Variants in PCDHGA9 observed in about 807,000 individuals in gnomAD.
The protein encoded by PCDHGA9 is protocadherin gamma subfamily A, 9, also known as protocadherin gamma-A9.
In PCDHGA9, 37 loss-of-function variants were observed where a neutral mutation model predicts 62.5. The ratio of observed to expected loss-of-function variants is 0.59; its 90% CI spans 0.46 to 0.78. The LOEUF is 0.78. Ranked by LOEUF, PCDHGA9 falls within the 30% of genes least tolerant of loss-of-function variation. The pLI is 0.00. For missense variants in PCDHGA9, 1,138 were observed against 1,166.2 expected, an observed-to-expected ratio of 0.98 and a Z score of 0.35; for synonymous variants, 459 against 484.6, an observed-to-expected ratio of 0.95 and a Z score of 0.69.
In PCDHGA9 at chr5:141,485,842, T is replaced by C; in HGVS notation, c.2425-8965T>C. ...TCGATGGAGGGAACCCGCCGAGATC[T>C]GGCACCGCAGAGCTCCGGGTATCCG... On this transcript the variant is annotated intron_variant, in intron 1 of 3. Coordinates refer to ENST00000573521, the MANE Select transcript of PCDHGA9 (RefSeq NM_018921.3). This position sits in a 1 kb window ranked among gnomAD's most constrained non-coding sequence, Gnocchi z 5.7. 1 of 1,614,002 alleles carries C rather than the reference T, an allele frequency of 6.2e-7. No homozygotes were observed. Among genetic ancestry groups the C allele is most frequent in the Non-Finnish European group, 8.5e-7 (1 of 1,179,982 alleles).
intron 1 of PCDHGA9, among the ~76,000 whole-genome samples, chr5:141,463,224 G>C (rs1039535501): frequency 6.6e-6 from 1 of 151,958 alleles, no homozygotes; most frequent in Non-Finnish European, 1.5e-5. Context: ...AATATTCCTG[G>C]AGTTCTTTGT....
At chr5:141,409,516 C>T (rs1303826331) in intron 1 of PCDHGA9, 6 of 1,614,006 alleles carry the variant, frequency 3.7e-6, no homozygotes, top group South Asian at 1.1e-5. Context: ...GTAGAAGCAT[C>T]ACCTTGTATG....
Position 141,505,427 on chromosome 5 carries a change from A to G in PCDHGA9, c.2518A>G (p.Asn840Asp), listed in dbSNP as rs1453435374. Reference protein sequence around the residue: ...QNGDDTGTWPNNQFDTEMLQA... With the variant: ...QNGDDTGTWPDNQFDTEMLQA... The stretch of plus-strand genomic sequence containing the variant: ...TGGCGATGACACCGGCACCTGGCCC[A>G]ACAACCAGTTTGACACAGAGATGCT... The change falls in exon 3 of 4, where the codon AAC (asparagine) becomes GAC (aspartate). Residue 840 changes from asparagine to aspartate, a missense_variant. Physicochemically the swap from Asn to Asp is conservative, Grantham distance 23 (BLOSUM62 1). Coordinates refer to ENST00000573521, the MANE Select transcript of PCDHGA9 (RefSeq NM_018921.3). 1 of 1,614,230 alleles carries G rather than the reference A, an allele frequency of 6.2e-7. No individual in the cohort carries two copies. Among genetic ancestry groups the G allele is most frequent in the East Asian group, 2.2e-5 (1 of 44,878 alleles).
rs148119281 is a variant in PCDHGA9, at chr5:141,511,006, C to T, written c.2632C>T (p.Arg878Cys). The T allele has an allele frequency of 3.5e-5, 56 of 1,614,078 alleles. No individual in the cohort carries two copies. Among genetic ancestry groups the T allele is most frequent in the African/African-American group, 5.3e-5 (4 of 74,922 alleles). The change falls in exon 4 of 4, where the codon CGC (arginine) becomes TGC (cysteine). Residue 878 changes from arginine to cysteine, a missense_variant. By Grantham distance (180) the Arg-to-Cys change is radical. Transcript: ENST00000573521. Reference protein sequence around the residue: ...GGAGTMGLSARYGPQFTLQHV... With the variant: ...GGAGTMGLSACYGPQFTLQHV... ...TGCCGGCACCATGGGATTGAGCGCC[C>T]GCTACGGACCCCAGTTCACCCTGCA...
At chr5:141,411,302 G>T (rs1165336405) in intron 1 of PCDHGA9, 1 of 152,134 alleles carries the variant, frequency 6.6e-6, no homozygotes, top group Admixed American at 6.6e-5. Context: ...AGGCCCAGTG[G>T]CTCACACCTA....
At chr5:141,419,022 G>A in intron 1 of PCDHGA9, 1 of 1,613,960 alleles carries the variant, frequency 6.2e-7, no homozygotes, top group Non-Finnish European at 8.5e-7. Flanking sequence ...AGCTTAAGTA[G>A]AGGTGTTCCA....
chr5:141,409,248 T>A (rs779725312), intron 1 of PCDHGA9: 3 of 1,614,032 alleles, frequency 1.9e-6, no homozygotes, highest in South Asian at 2.2e-5. Context: ...GAAATAATCA[T>A]CACTTCTCTC....
chr5:141,443,093 C>G (rs1316602934), intron 1 of PCDHGA9, among the ~76,000 whole-genome samples: 2 of 151,940 alleles, frequency 1.3e-5, no homozygotes, highest in African/African-American at 4.8e-5. Flanking sequence ...CAGTCTCCTT[C>G]TCAAGCTGAA....
At chr5:141,453,481 TA>T (rs1178324090) in intron 1 of PCDHGA9, among the ~76,000 whole-genome samples, 1 of 151,928 alleles carries the variant, frequency 6.6e-6, no homozygotes, top group Non-Finnish European at 1.5e-5. Context: ...TCAAAACTAT[TA>T]AAAAAAGGTG....
intron 1 of PCDHGA9, chr5:141,424,285 T>A (rs573116321): frequency 6.5e-6 from 1 of 152,894 alleles, no homozygotes; most frequent in South Asian, 2.1e-4. Context: ...CTTTGTCTCA[T>A]TTCTTCATCC....
Position 141,431,919 on chromosome 5 carries a change from A to C in PCDHGA9, c.2424+26543A>C, listed in dbSNP as rs2097428718. The C allele has an allele frequency of 7.4e-6, 12 of 1,614,040 alleles. No individual in the cohort carries two copies. Among genetic ancestry groups the C allele is most frequent in the Non-Finnish European group, 1.0e-5 (12 of 1,179,980 alleles). On this transcript the variant is annotated intron_variant, in intron 1 of 3. Transcript: ENST00000573521. This position sits in a 1 kb window ranked among gnomAD's most constrained non-coding sequence, Gnocchi z 4.8. ...AACGGACAGGTGATCTGTTTCATCC[A>C]AGGAAATCTGCCCTTTAAATTAGAA... is the stretch of plus-strand genomic sequence containing the variant.
chr5:141,432,663 G>A lies in PCDHGA9; in HGVS notation c.2424+27287G>A. ...CGCACGGCGCGAGCCCTGCTGGACA[G>A]AGACGCGCTCAAGCAGAGCCTCGTA... On this transcript the variant is annotated intron_variant, in intron 1 of 3. Coordinates refer to ENST00000573521, the MANE Select transcript of PCDHGA9 (RefSeq NM_018921.3). This position sits in a 1 kb window ranked among gnomAD's most constrained non-coding sequence, Gnocchi z 6.0. 1 of 1,613,886 alleles carries A rather than the reference G, an allele frequency of 6.2e-7. No individual in the cohort carries two copies. Among genetic ancestry groups the A allele is most frequent in the Non-Finnish European group, 8.5e-7 (1 of 1,179,952 alleles).
In PCDHGA9 at chr5:141,486,334, C is replaced by T; in HGVS notation, c.2425-8473C>T. 1.2e-6 allele frequency: 2 copies of T among 1,614,098 alleles called. No individual in the cohort carries two copies. ...CAGGGTCAAACGGAGATGTGAGCCT[C>T]CGCATTCCTGACCACTTGCCATTTG... On this transcript the variant is annotated intron_variant, in intron 1 of 3. Coordinates refer to ENST00000573521, the MANE Select transcript of PCDHGA9 (RefSeq NM_018921.3). This position sits in a 1 kb window ranked among gnomAD's most constrained non-coding sequence, Gnocchi z 5.0.
chr5:141,421,102 T>G, intron 1 of PCDHGA9: 1 of 691,404 alleles, frequency 1.4e-6, no homozygotes, highest in Non-Finnish European at 2.4e-6. Flanking sequence ...CACTGGAGAC[T>G]TAGAAGTATT....
intron 2 of PCDHGA9, among the ~76,000 whole-genome samples, chr5:141,498,371 C>T (rs188547878): frequency 6.6e-6 from 1 of 151,838 alleles, no homozygotes; most frequent in Admixed American, 6.6e-5. Flanking sequence ...TGTGGTGAGG[C>T]CTCCTGGGAT....
chr5:141,404,001 C>T lies in PCDHGA9; in HGVS notation c.1049C>T (p.Thr350Ile). Residue 350 changes from threonine (T) to isoleucine (I), a missense_variant, in exon 1 of 4, where the codon ACA becomes ATA. Coordinates refer to ENST00000573521, the MANE Select transcript of PCDHGA9 (RefSeq NM_018921.3). ...GACAATAGACCTGAAGTGACCATTA[C>T]ATCTCTGTTTAGCCCAGTGAGAGAA... is the stretch of plus-strand genomic sequence containing the variant. ...VNDNRPEVTI[T>I]SLFSPVREDA... 8 of 1,613,870 alleles carry T rather than the reference C, an allele frequency of 5.0e-6. No individual in the cohort carries two copies. Among genetic ancestry groups the T allele is most frequent in the South Asian group, 1.1e-5 (1 of 91,070 alleles).
chr5:141,487,709 A>G lies in PCDHGA9; in HGVS notation c.2425-7098A>G. On this transcript the variant is annotated intron_variant, in intron 1 of 3. Coordinates refer to ENST00000573521, the MANE Select transcript of PCDHGA9 (RefSeq NM_018921.3). This position sits in a 1 kb window ranked among gnomAD's most constrained non-coding sequence, Gnocchi z 5.0. ...CCTAGAGAGTACTGGCCTCTCAGTA[A>G]GTGCCCATAGTGATGTCACCATTTT... is the stretch of plus-strand genomic sequence containing the variant. 6.3e-7 allele frequency: 1 copy of G among 1,586,184 alleles called. No individual in the cohort carries two copies. Among genetic ancestry groups the G allele is most frequent in the South Asian group, 1.1e-5 (1 of 87,958 alleles).
intron 1 of PCDHGA9, among the ~76,000 whole-genome samples, chr5:141,425,219 G>T (rs779272038): frequency 2.0e-5 from 3 of 152,148 alleles, no homozygotes; most frequent in Non-Finnish European, 2.9e-5. Context: ...ATTGTACTTT[G>T]ACTGGAATTA....
intron 2 of PCDHGA9, among the ~76,000 whole-genome samples, chr5:141,503,598 C>CAA (rs765754054): frequency 1.5e-4 from 10 of 65,698 alleles, no homozygotes; most frequent in African/African-American, 2.3e-4. Context: ...GACTCCAGCT[C>CAA]AAAAAAAAAA....
Sources: allele counts gnomAD v4.1 joint callset (sites outside exome capture counted in the v4.1 genomes callset), GRCh38; gene constraint gnomAD v4.1.1; non-coding constraint Gnocchi (gnomAD v3.1); transcripts MANE v1.5; gene names NCBI Gene and HGNC (gene_info 2026-07-23, HGNC 2026-07-21).